Variants in SYT7 observed in about 807,000 individuals in gnomAD.
SYT7 encodes synaptotagmin-7.
SYT7 carries 29 observed loss-of-function variants against 75.1 expected under a neutral mutation model. The ratio of observed to expected loss-of-function variants is 0.39; its 90% CI spans 0.29 to 0.53. The LOEUF is 0.53. SYT7 is among the 20% of genes least tolerant of loss of function. The pLI is 0.77. For synonymous variants in SYT7, 376 were observed against 401.7 expected (o/e 0.94, Z 0.76); for missense variants, 693 against 953.2 (o/e 0.73, Z 3.59).
chr11:61,581,343 C>T (rs1400296497), upstream of SYT7, among the ~76,000 whole-genome samples: 2 of 151,216 alleles, frequency 1.3e-5, no homozygotes, highest in African/African-American at 2.4e-5. Flanking sequence ...CGGCCGGGCT[C>T]GTCCGGCCAG....
chr11:61,545,324 A>T (rs2063151393), intron 5 of SYT7, among the ~76,000 whole-genome samples: 1 of 152,206 alleles, frequency 6.6e-6, no homozygotes, highest in African/African-American at 2.4e-5. Flanking sequence ...TGGCAAGTGA[A>T]GCTAGCTGGG....
At chr11:61,584,472 A>G (rs978444854), upstream of SYT7, among the ~76,000 whole-genome samples, 2 of 151,916 alleles carry the variant, frequency 1.3e-5, no homozygotes, top group African/African-American at 4.8e-5. Flanking sequence ...CTTTATTATT[A>G]TTGTTGTTGC....
At chr11:61,572,118 G>A (rs887689510) in intron 1 of SYT7, among the ~76,000 whole-genome samples, 2 of 135,282 alleles carry the variant, frequency 1.5e-5, no homozygotes, top group Admixed American at 7.1e-5. Flanking sequence ...AATGAGGTTG[G>A]GGGGGGGGCA....
intron 1 of SYT7, among the ~76,000 whole-genome samples, chr11:61,562,554 G>A (rs1465748149): frequency 6.6e-6 from 1 of 152,208 alleles, no homozygotes; most frequent in East Asian, 1.9e-4. Context: ...GGGGCACGGA[G>A]TTGGCACTCA....
intron 12 of SYT7, among the ~76,000 whole-genome samples, chr11:61,522,518 C>T (rs2062374965): frequency 6.6e-6 from 1 of 152,154 alleles, no homozygotes; most frequent in African/African-American, 2.4e-5. Context: ...CATCCACATA[C>T]CTCAAGCAAT....
At chr11:61,583,894 C>T (rs1231426071), upstream of SYT7, among the ~76,000 whole-genome samples, 3 of 152,196 alleles carry the variant, frequency 2.0e-5, no homozygotes, top group Non-Finnish European at 4.4e-5. Flanking sequence ...CTCTGGGCCT[C>T]AGTCACTTTG....
chr11:61,581,213 G>A (rs1243469892), upstream of SYT7: 2 of 146,682 alleles, frequency 1.4e-5, no homozygotes, highest in Non-Finnish European at 3.0e-5. Context: ...TGCGCCCGCT[G>A]CCGGCCGCGC....
Position 61,533,121 on chromosome 11 carries a change from C to G in SYT7, c.1068G>C (p.Leu356Phe). 2 of 1,594,910 alleles carry G rather than the reference C, an allele frequency of 1.3e-6. No individual in the cohort carries two copies. The highest frequency in any genetic ancestry group is 2.2e-5 in the South Asian group (2 of 89,252). Residue 356 changes from leucine (L) to phenylalanine (F), a missense_variant, in exon 8 of 13, where the codon TTG becomes TTC. Leu to Phe is a conservative substitution (Grantham distance 22, BLOSUM62 0). Transcript: ENST00000539008. ...QNQNAQGDKR[L>F]PAGGKAVNTA... Reference sequence around the variant, plus strand: ...TGTTCACCGCCTTCCCTCCTGCAGGCAACCTGAGGGCAGGGGAGTCCAAAT... The same window carrying G: ...TGTTCACCGCCTTCCCTCCTGCAGGGAACCTGAGGGCAGGGGAGTCCAAAT...
intron 7 of SYT7, among the ~76,000 whole-genome samples, chr11:61,536,189 C>T (rs566706454): frequency 4.6e-5 from 7 of 152,088 alleles, no homozygotes; most frequent in Non-Finnish European, 8.8e-5. Flanking sequence ...GGCGAGGGCA[C>T]GCGGCCTCCA....
At chr11:61,575,647 T>C (rs1056983958) in intron 1 of SYT7, among the ~76,000 whole-genome samples, 1 of 151,812 alleles carries the variant, frequency 6.6e-6, no homozygotes, top group African/African-American at 2.4e-5. Context: ...TGGCAGGGGG[T>C]AGGCAGGGTC....
intron 8 of SYT7, among the ~76,000 whole-genome samples, chr11:61,532,130 CTTCT>C (rs1391012918): frequency 6.6e-6 from 1 of 152,138 alleles, no homozygotes; most frequent in African/African-American, 2.4e-5. Context: ...CCCAAGCCTA[CTTCT>C]TTCTCTCTAC....
At chr11:61,583,521 AG>A (rs1275367058), upstream of SYT7, among the ~76,000 whole-genome samples, 1 of 152,184 alleles carries the variant, frequency 6.6e-6, no homozygotes. Context: ...AGGGAGCTAA[AG>A]GCCCCGGAGC....
rs1205491098 is a variant in SYT7, at chr11:61,553,905, CCCTT to C, written c.135+2195_135+2198del. Among the ~76,000 whole-genome samples the C allele has an allele frequency of 6.6e-6, 1 of 152,146 alleles. No individual in the cohort carries two copies. Among genetic ancestry groups the C allele is most frequent in the Non-Finnish European group, 1.5e-5 (1 of 68,028 alleles). ...GGGGGAGGGGACAGCGTTTTAAAGT[CCCTT>C]CCATGGAGCAAGGAGACAGCCTGAT... On this transcript the variant is annotated intron_variant, in intron 2 of 12. Coordinates refer to ENST00000539008, the MANE Select transcript of SYT7 (RefSeq NM_001365809.2). This position sits in a 1 kb window ranked among gnomAD's most constrained non-coding sequence, Gnocchi z 5.2.
chr11:61,517,078 G>A lies in SYT7; in HGVS notation c.*1549C>T. 5.1e-6 allele frequency: 2 copies of A among 394,012 alleles called. No homozygotes were observed. Among genetic ancestry groups the A allele is most frequent in the Middle Eastern group, 6.3e-4 (1 of 1,578 alleles). The allele number at this position is 394,012 out of a possible 1,614,324, so 24.4% of individuals were successfully genotyped here. ...GAGTGGAACTGGGGGCTAAGACCAC[G>A]GCCACAGACTGTGGGGGCCTGGCGC... On this transcript the variant is annotated 3_prime_UTR_variant, in exon 13 of 13. Transcript: ENST00000539008.
chr11:61,555,686 GA>G lies in SYT7; in HGVS notation c.135+417del, dbSNP rs1467863066. 3.3e-5 allele frequency among the ~76,000 whole-genome samples: 5 copies of G among 152,222 alleles called. No individual in the cohort carries two copies. In the East Asian group the frequency reaches 9.6e-4, roughly 29 times the overall value. On this transcript the variant is annotated intron_variant, in intron 2 of 12. Transcript: ENST00000539008. ...CCACGCCCATGGAGGGGAGCGGGCA[GA>G]GGGGAGGGGGCGCGGTGCTTAGAGT...
At chr11:61,575,798 C>A (rs1266817736) in intron 1 of SYT7, among the ~76,000 whole-genome samples, 1 of 152,192 alleles carries the variant, frequency 6.6e-6, no homozygotes, top group Non-Finnish European at 1.5e-5. Flanking sequence ...GCGGTCCTGG[C>A]ACTTCGATAA....
intron 7 of SYT7, among the ~76,000 whole-genome samples, chr11:61,535,151 C>T (rs763837104): frequency 3.3e-5 from 5 of 152,128 alleles, no homozygotes; most frequent in African/African-American, 4.8e-5. Context: ...GGCCCATCAC[C>T]GGCCCAGGGC....
rs1475599547 is a variant in SYT7, at chr11:61,514,066, G to T, written c.*4561C>A. On this transcript the variant is annotated 3_prime_UTR_variant, in exon 13 of 13. Coordinates refer to ENST00000539008, the MANE Select transcript of SYT7 (RefSeq NM_001365809.2). The stretch of plus-strand genomic sequence containing the variant: ...GTGGTCCCAGGTACAGGGAGGGGTG[G>T]GGGAGCATCTCAGAGCAGGCATGGA... Among the ~76,000 whole-genome samples the T allele has an allele frequency of 6.6e-6, 1 of 152,134 alleles. No individual in the cohort carries two copies. The highest frequency in any genetic ancestry group is 6.5e-5 in the Admixed American group (1 of 15,272).
upstream of SYT7, among the ~76,000 whole-genome samples, chr11:61,581,706 G>A (rs1400337987): frequency 6.6e-6 from 1 of 152,222 alleles, no homozygotes; most frequent in Non-Finnish European, 1.5e-5. Flanking sequence ...GTTTGGCCTA[G>A]TGACCCTCCT....
Sources: allele counts gnomAD v4.1 joint callset (sites outside exome capture counted in the v4.1 genomes callset), GRCh38; gene constraint gnomAD v4.1.1; non-coding constraint Gnocchi (gnomAD v3.1); transcripts MANE v1.5; gene names NCBI Gene and HGNC (gene_info 2026-07-23, HGNC 2026-07-21).